Variants in WDSUB1 observed in about 807,000 individuals in gnomAD.
WDSUB1 encodes the protein WD repeat, SAM and U-box domain-containing protein 1.
WDSUB1 carries 49 observed loss-of-function variants against 53.9 expected under a neutral mutation model. The observed-to-expected ratio is 0.91, with a 90% CI of 0.72 to 1.15. The LOEUF (loss-of-function observed/expected upper bound fraction) is 1.15, where lower values mean the gene tolerates loss of function less well. Among genes scored for constraint, WDSUB1 ranks in the 50% most tolerant of loss-of-function variants. WDSUB1 has a pLI of 0.00. For missense variants in WDSUB1, 514 were observed against 562.0 expected (o/e 0.91, Z 0.86); for synonymous variants, 194 against 200.6 (o/e 0.97, Z 0.28).
rs1242616106 is a variant in WDSUB1, at chr2:159,273,342, CAT to C, written c.677-1549_677-1548del. Among the ~76,000 whole-genome samples the C allele has an allele frequency of 5.3e-5, 8 of 152,214 alleles. No homozygotes were observed. The South Asian group carries it at 1.2e-3, about 24-fold the overall frequency. On this transcript the variant is annotated intron_variant, in intron 4 of 10. Coordinates refer to ENST00000359774, the MANE Select transcript of WDSUB1 (RefSeq NM_001128212.3). ...AGGTTATGTCCTCAAGTATAAGACC[CAT>C]ATGTCTCTCTACTCCTCCCTACAAA...
intron 10 of WDSUB1, among the ~76,000 whole-genome samples, chr2:159,237,078 A>G (rs1371907947): frequency 6.6e-6 from 1 of 152,216 alleles, no homozygotes; most frequent in Admixed American, 6.5e-5. Flanking sequence ...AGTCTACAGT[A>G]CATATCACTG....
intron 10 of WDSUB1, among the ~76,000 whole-genome samples, chr2:159,242,793 T>TA (rs1306906432): frequency 1.3e-5 from 2 of 148,272 alleles, no homozygotes; most frequent in Non-Finnish European, 2.9e-5. Context: ...TAAAATCGCT[T>TA]GTCTGTTTTT....
intron 9 of WDSUB1, among the ~76,000 whole-genome samples, chr2:159,249,268 A>C (rs1395893793): frequency 6.6e-6 from 1 of 152,204 alleles, no homozygotes; most frequent in Non-Finnish European, 1.5e-5. Flanking sequence ...TAAGAAACAC[A>C]ATCACAAATA....
chr2:159,239,964 A>G (rs2060600779), intron 10 of WDSUB1, among the ~76,000 whole-genome samples: 1 of 152,052 alleles, frequency 6.6e-6, no homozygotes, highest in African/African-American at 2.4e-5. Flanking sequence ...GCTCTTTTTG[A>G]GATATATTTC....
intron 9 of WDSUB1, among the ~76,000 whole-genome samples, chr2:159,254,289 G>C (rs1308531810): frequency 6.6e-6 from 1 of 152,206 alleles, no homozygotes; most frequent in African/African-American, 2.4e-5. Context: ...GCCAGGCACA[G>C]TGGCTCATGC....
At chr2:159,237,530 A>G (rs1353822578) in intron 10 of WDSUB1, among the ~76,000 whole-genome samples, 1 of 149,308 alleles carries the variant, frequency 6.7e-6, no homozygotes, top group Non-Finnish European at 1.5e-5. Flanking sequence ...CAAAAAAAAA[A>G]AAAGTTACAA....
At chr2:159,270,975 G>GTTCT (rs1231016233) in intron 5 of WDSUB1, among the ~76,000 whole-genome samples, 1 of 152,140 alleles carries the variant, frequency 6.6e-6, no homozygotes. Context: ...CTTCTGAAAA[G>GTTCT]GTTCCAACCA....
chr2:159,261,886 ATATATATATATTTTTTT>A (rs2061224267), intron 5 of WDSUB1, among the ~76,000 whole-genome samples: 1 of 15,358 alleles, frequency 6.5e-5, no homozygotes, highest in Non-Finnish European at 1.0e-4. Context: ...ATATATATAT[ATATATATATATTTTTTT>A]TTTTTTTTTT....
intron 2 of WDSUB1, among the ~76,000 whole-genome samples, chr2:159,282,285 T>C (rs987603058): frequency 6.0e-5 from 9 of 151,098 alleles, no homozygotes; most frequent in Non-Finnish European, 8.9e-5. Flanking sequence ...CTCCGCCTCC[T>C]GGGTTCACGT....
chr2:159,239,217 C>T (rs954298659), intron 10 of WDSUB1, among the ~76,000 whole-genome samples: 9 of 147,586 alleles, frequency 6.1e-5, no homozygotes, highest in Non-Finnish European at 5.9e-5. Flanking sequence ...GTTGCCCAGG[C>T]TGGTCTAGAA....
chr2:159,258,979 T>A (rs1201625878), intron 6 of WDSUB1, among the ~76,000 whole-genome samples: 2 of 152,130 alleles, frequency 1.3e-5, no homozygotes, highest in African/African-American at 4.8e-5. Flanking sequence ...AGCTACAGCA[T>A]TAGGAGGCTC....
intron 10 of WDSUB1, among the ~76,000 whole-genome samples, chr2:159,238,076 G>A (rs182252458): frequency 6.6e-6 from 1 of 152,272 alleles, no homozygotes; most frequent in East Asian, 1.9e-4. Flanking sequence ...CAGTCTCTAG[G>A]TAAGCGATGG....
intron 9 of WDSUB1, among the ~76,000 whole-genome samples, chr2:159,250,088 C>CAAAA (rs374038625): frequency 0.052 from 4,310 of 83,390 alleles, 200 homozygotes; most frequent in African/African-American, 0.09. Flanking sequence ...GACTCTGCCT[C>CAAAA]AAAAAAAAAA....
chr2:159,238,681 CCAA>C (rs2060554914), intron 10 of WDSUB1, among the ~76,000 whole-genome samples: 1 of 152,168 alleles, frequency 6.6e-6, no homozygotes, highest in East Asian at 1.9e-4. Context: ...TATTCCTGGG[CCAA>C]CACTACACAT....
chr2:159,259,956 A>G, intron 5 of WDSUB1, 113 bp from the exon 6 acceptor site: 1 of 1,126,390 alleles, frequency 8.9e-7, no homozygotes, highest in Non-Finnish European at 1.2e-6. Context: ...ACAGATATTA[A>G]CATACATTTA....
At chr2:159,280,708 A>AAAAAAAACAAAAAAAC (rs111752652) in intron 2 of WDSUB1, among the ~76,000 whole-genome samples, 8 of 134,322 alleles carry the variant, frequency 6.0e-5, no homozygotes, top group African/African-American at 2.7e-4. Context: ...AAAAAAAAAA[A>AAAAAAAACAAAAAAAC]ATTACCCAGA....
At position 159,256,335 on chromosome 2, in the gene WDSUB1, A is replaced by G; in HGVS notation, c.993T>C (p.Asp331=). 3 of 1,611,208 alleles carry G rather than the reference A, an allele frequency of 1.9e-6. No individual in the cohort carries two copies. Among genetic ancestry groups the G allele is most frequent in the Non-Finnish European group, 2.5e-6 (3 of 1,179,100 alleles). Residue 331 remains aspartate (D), a synonymous_variant, in exon 9 of 11, where the codon GAT becomes GAC. Transcript: ENST00000359774. ...ATGTTGAGACATCCTCCTCTGACCA[A>G]TCTTCGGTAAATTGCTTCAGCTGAT... ...TEHQLKQFTE[D]WSEEDVSTWL...
intron 9 of WDSUB1, among the ~76,000 whole-genome samples, chr2:159,253,932 GACATAAAAAATAAAT>G (rs2061005048): frequency 6.6e-6 from 1 of 152,134 alleles, no homozygotes; most frequent in African/African-American, 2.4e-5. Context: ...ACATTAGAAT[GACATAAAAAATAAAT>G]GTTACAGTCA....
chr2:159,267,703 C>T (rs1281514085), intron 5 of WDSUB1, among the ~76,000 whole-genome samples: 1 of 152,092 alleles, frequency 6.6e-6, no homozygotes, highest in African/African-American at 2.4e-5. Context: ...ATCCTACTCA[C>T]TTTTTTTAGT....
Sources: allele counts gnomAD v4.1 joint callset (sites outside exome capture counted in the v4.1 genomes callset), GRCh38; gene constraint gnomAD v4.1.1; transcripts MANE v1.5; gene names NCBI Gene and HGNC (gene_info 2026-07-23, HGNC 2026-07-21).